The following FMN1 variants were observed in gnomAD, a reference collection of about 807,000 sequenced individuals.
FMN1 encodes the protein formin-1.
Under a neutral mutation model 132.4 loss-of-function variants are expected in FMN1, and 110 were observed. That is an observed-to-expected ratio of 0.83 (90% CI 0.71 to 0.97). FMN1 has a LOEUF of 0.97. FMN1 is among the 50% of genes least tolerant of loss of function. FMN1 has a pLI of 0.00. For missense variants in FMN1, 1,792 were observed against 1,705.3 expected (o/e 1.05, Z -0.90); for synonymous variants, 722 against 651.7 (o/e 1.11, Z -1.64).
At chr15:32,979,351 C>T (rs1048186935) in intron 7 of FMN1, among the ~76,000 whole-genome samples, 1 of 151,904 alleles carries the variant, frequency 6.6e-6, no homozygotes, top group Non-Finnish European at 1.5e-5. Context: ...GTCAGGAGAT[C>T]GAGACCATCC....
chr15:32,933,963 C>T (rs1468460402), intron 9 of FMN1, among the ~76,000 whole-genome samples: 2 of 151,988 alleles, frequency 1.3e-5, no homozygotes, highest in African/African-American at 4.8e-5. Flanking sequence ...GAGAAATTTT[C>T]TCTATTTGCA....
intron 6 of FMN1, among the ~76,000 whole-genome samples, chr15:33,048,169 T>C (rs1194731664): frequency 1.3e-5 from 2 of 152,164 alleles, no homozygotes; most frequent in Non-Finnish European, 2.9e-5. Context: ...GGTCAGATAT[T>C]AGGTTTGTTA....
chr15:32,969,264 G>T lies in FMN1; in HGVS notation c.2437C>A (p.Leu813Ile), dbSNP rs771163775. Residue 813 changes from leucine to isoleucine, a missense_variant, in exon 8 of 21, where the codon CTC becomes ATC. Physicochemically the swap from Leu to Ile is conservative, Grantham distance 5. Around this residue, in one of 3 missense-constraint regions of FMN1, gnomAD observed 1,150 missense variants for 1,043.1 expected, o/e 1.10. Transcript: ENST00000616417. ...VCVQTDRETF[L>I]KPCESESKTT... Reference sequence around the variant, plus strand: ...TTGCTTTCACTTTCACAGGGCTTGAGGAAGGTCTCTCTGTCTGTCTGGACG... The same window carrying T: ...TTGCTTTCACTTTCACAGGGCTTGATGAAGGTCTCTCTGTCTGTCTGGACG... 3 of 1,613,916 alleles carry T rather than the reference G, an allele frequency of 1.9e-6. No individual in the cohort carries two copies. The highest frequency in any genetic ancestry group is 2.5e-6 in the Non-Finnish European group (3 of 1,179,878).
intron 4 of FMN1, among the ~76,000 whole-genome samples, chr15:33,119,686 C>T (rs1962369291): frequency 6.6e-6 from 1 of 152,164 alleles, no homozygotes. Context: ...CACAAAACTT[C>T]CAAAAATTTT....
chr15:33,193,773 A>ATCCTCCCAGCTCACACTC (rs1407934047), intron 2 of FMN1, 136 bp downstream of exon 2: 1 of 151,718 alleles, frequency 6.6e-6, no homozygotes, highest in Non-Finnish European at 1.5e-5. Flanking sequence ...GATAAGGAAA[A>ATCCTCCCAGCTCACACTC]TCCTCCCAGC....
intron 6 of FMN1, among the ~76,000 whole-genome samples, chr15:33,058,238 C>A: frequency 6.6e-6 from 1 of 151,976 alleles, no homozygotes; most frequent in Non-Finnish European, 1.5e-5. Flanking sequence ...ATGAAGCCAC[C>A]TGGATAGAAA....
At chr15:32,877,131 C>CA (rs1455950969) in intron 16 of FMN1, among the ~76,000 whole-genome samples, 4 of 151,958 alleles carry the variant, frequency 2.6e-5, no homozygotes, top group Non-Finnish European at 1.5e-5. Flanking sequence ...ACTAAAAATA[C>CA]AAAAAATTAG....
At chr15:32,882,469 G>C (rs183000397) in intron 16 of FMN1, among the ~76,000 whole-genome samples, 1 of 152,104 alleles carries the variant, frequency 6.6e-6, no homozygotes, top group Non-Finnish European at 1.5e-5. Flanking sequence ...ATGGACACAC[G>C]CCACACCCTT....
chr15:33,130,067 C>T (rs941315454), intron 4 of FMN1, among the ~76,000 whole-genome samples: 11 of 152,098 alleles, frequency 7.2e-5, no homozygotes, highest in Non-Finnish European at 1.3e-4. Context: ...CACCTGACCT[C>T]GTGATCCACC....
chr15:33,153,369 G>A lies in FMN1; in HGVS notation c.1546C>T (p.Gln516Ter). 6.5e-7 allele frequency: 1 copy of A among 1,536,480 alleles called. No homozygotes were observed. ...NSASQSSTHK[Q>*]TSPVPSPLSP... ...AGAGGCGAGGGAACAGGTGACGTCT[G>A]TTTGTGTGTGCTGGACTGCGAGGCT... The change falls in exon 4 of 21, where the codon CAG becomes TAG. Residue 516 changes from glutamine (Q) to a stop codon, truncating the protein, a stop_gained. Transcript: ENST00000616417. LOFTEE classifies it high-confidence loss of function.
chr15:33,009,044 G>C (rs143318083), intron 6 of FMN1, among the ~76,000 whole-genome samples: 12 of 152,304 alleles, frequency 7.9e-5, no homozygotes, highest in Non-Finnish European at 1.5e-4. Flanking sequence ...GAAATCATTG[G>C]CAAAGCCACG....
Position 33,120,479 on chromosome 15 carries a change from T to G in FMN1, c.1868-31505A>C, listed in dbSNP as rs1962445791. 1.3e-5 allele frequency among the ~76,000 whole-genome samples: 2 copies of G among 152,188 alleles called. 1 individual carries two copies. Among genetic ancestry groups the G allele is most frequent in the South Asian group, 4.1e-4 (2 of 4,828 alleles). ...TCAAAGTTAGCCATCTAGTGCATGTTTATTGGTGGACATTCCAGCAACAAG... is the reference window on the plus strand; with the variant it reads ...TCAAAGTTAGCCATCTAGTGCATGTGTATTGGTGGACATTCCAGCAACAAG... On this transcript the variant is annotated intron_variant, in intron 4 of 20. Transcript: ENST00000616417.
chr15:32,940,391 TTGTGTGTGTGTGTG>T (rs67121672), intron 9 of FMN1, among the ~76,000 whole-genome samples: 4,022 of 145,402 alleles, frequency 0.028, 161 homozygotes, highest in African/African-American at 0.093. Flanking sequence ...AAAATAAAAA[TTGTGTGTGTGTGTG>T]TGTGTGTGTG....
At position 33,150,370 on chromosome 15, in the gene FMN1, A is replaced by G. The variant is rs1272003459; in HGVS notation, c.1867+2678T>C. ...CGCCAAATAAAATACTATAAAACCA[A>G]TCTCCAGGTTGGTGGTGGGAGGAGG... On this transcript the variant is annotated intron_variant, in intron 4 of 20. Coordinates refer to ENST00000616417, the MANE Select transcript of FMN1 (RefSeq NM_001277313.2). 1.0e-5 allele frequency: 10 copies of G among 985,306 alleles called. No homozygotes were observed. The African/African-American group carries it at 1.7e-4, about 17-fold the overall frequency. 61.0% of individuals were successfully genotyped at this position (985,306 alleles called of 1,614,324 possible). A position where few individuals can be genotyped will look rare whatever the true frequency, so the allele number is the denominator to read the frequency against.
chr15:32,791,747 A>C (rs973867068), intron 19 of FMN1, among the ~76,000 whole-genome samples: 3 of 152,240 alleles, frequency 2.0e-5, no homozygotes, highest in Admixed American at 6.5e-5. Context: ...CAGTAAAAAT[A>C]ATTCTCATTC....
intron 7 of FMN1, among the ~76,000 whole-genome samples, chr15:32,996,343 T>C (rs748385187): frequency 9.2e-5 from 14 of 152,182 alleles, no homozygotes; most frequent in Middle Eastern, 3.2e-3. Flanking sequence ...TAGGGTTACA[T>C]TGCATTTTGT....
intron 5 of FMN1, among the ~76,000 whole-genome samples, chr15:33,082,048 TGTGTG>T (rs1566899362): frequency 1.9e-4 from 27 of 139,728 alleles, no homozygotes; most frequent in East Asian, 1.2e-3. Flanking sequence ...TGTGTGTGTG[TGTGTG>T]TAAGACGGAG....
chr15:33,186,402 G>A (rs2140353219), intron 2 of FMN1, among the ~76,000 whole-genome samples: 1 of 152,002 alleles, frequency 6.6e-6, no homozygotes, highest in East Asian at 1.9e-4. Flanking sequence ...AAAGTGTTTA[G>A]CCTCGAAAAT....
chr15:33,066,448 A>T, intron 5 of FMN1: 1 of 1,336,672 alleles, frequency 7.5e-7, no homozygotes. Flanking sequence ...TTGGGAGGAA[A>T]CCTGGAAAGA....
Sources: gnomAD v4.1 joint callset for allele counts (sites outside exome capture counted in the v4.1 genomes callset) on GRCh38, gnomAD v4.1.1 for gene constraint, gnomAD v4.1.1 regional missense constraint, MANE v1.5 for transcripts, NCBI Gene and HGNC (gene_info 2026-07-23, HGNC 2026-07-21) for gene names.